The following STT3B variants were observed in gnomAD, a reference collection of about 807,000 sequenced individuals.
STT3B encodes STT3 oligosaccharyltransferase complex catalytic subunit B.
Under a neutral mutation model 96.8 loss-of-function variants are expected in STT3B, and 29 were observed. The ratio of observed to expected loss-of-function variants is 0.30; its 90% CI spans 0.22 to 0.41. The LOEUF is 0.41. Ranked by LOEUF, STT3B falls within the 10% of genes least tolerant of loss-of-function variation. The pLI is 1.00. For missense variants in STT3B, 640 were observed against 1,022.3 expected, an observed-to-expected ratio of 0.63 and a Z score of 5.10; for synonymous variants, 367 against 360.0, an observed-to-expected ratio of 1.02 and a Z score of -0.22.
chr3:31,546,158 A>G (rs551083121), intron 1 of STT3B, among the ~76,000 whole-genome samples: 1 of 152,170 alleles, frequency 6.6e-6, no homozygotes, highest in African/African-American at 2.4e-5. Context: ...GATTTTGTCA[A>G]AATATGCTTC....
At chr3:31,581,204 G>T (rs1314257013) in intron 3 of STT3B, among the ~76,000 whole-genome samples, 2 of 151,966 alleles carry the variant, frequency 1.3e-5, no homozygotes, top group Non-Finnish European at 2.9e-5. Flanking sequence ...CTGCATGTAC[G>T]CCAGCTTTGT....
At chr3:31,571,715 AGT>A (rs1187017618) in intron 1 of STT3B, among the ~76,000 whole-genome samples, 3 of 152,016 alleles carry the variant, frequency 2.0e-5, no homozygotes, top group Non-Finnish European at 4.4e-5. Flanking sequence ...GAAACAGAGA[AGT>A]CCTTGAGATA....
chr3:31,634,685 C>T (rs1017553483), intron 15 of STT3B, among the ~76,000 whole-genome samples: 1 of 152,114 alleles, frequency 6.6e-6, no homozygotes, highest in African/African-American at 2.4e-5. Context: ...AAATTGTAGT[C>T]CAGGCTGCAG....
Position 31,636,088 on chromosome 3 carries a change from T to C in STT3B, c.*24T>C. 6.4e-7 allele frequency: 1 copy of C among 1,555,788 alleles called. No individual in the cohort carries two copies. Among genetic ancestry groups the C allele is most frequent in the South Asian group, 1.2e-5 (1 of 82,742 alleles). On this transcript the variant is annotated 3_prime_UTR_variant, in exon 16 of 16. Transcript: ENST00000295770. ...AAATGCACTGTTCTGGTTCCTAACT[T>C]GAAGCAGTTGTCCTTGTGAGAACCG...
chr3:31,631,743 C>G (rs1382420199), intron 14 of STT3B, among the ~76,000 whole-genome samples: 1 of 150,102 alleles, frequency 6.7e-6, no homozygotes, highest in Non-Finnish European at 1.5e-5. Context: ...CCCAGGAGTT[C>G]GAGACTAGCC....
chr3:31,536,992 A>G (rs943487681), intron 1 of STT3B, among the ~76,000 whole-genome samples: 2 of 152,236 alleles, frequency 1.3e-5, no homozygotes, highest in African/African-American at 4.8e-5. Flanking sequence ...GAAGTTCCCT[A>G]TGTGAGAGCT....
intron 1 of STT3B, among the ~76,000 whole-genome samples, chr3:31,565,459 G>A (rs1253260726): frequency 6.6e-6 from 1 of 152,136 alleles, no homozygotes; most frequent in Admixed American, 6.5e-5. Context: ...ATAATGAAGT[G>A]TACACATACT....
chr3:31,593,972 T>C (rs1439447888), intron 3 of STT3B, among the ~76,000 whole-genome samples: 2 of 152,136 alleles, frequency 1.3e-5, no homozygotes, highest in African/African-American at 4.8e-5. Context: ...TTTCTTTGCA[T>C]GTCTTATAGT....
intron 3 of STT3B, among the ~76,000 whole-genome samples, chr3:31,591,303 T>C (rs1230520911): frequency 6.6e-6 from 1 of 152,158 alleles, no homozygotes; most frequent in Non-Finnish European, 1.5e-5. Flanking sequence ...CCATGGCTTA[T>C]CTTTTTCTGT....
chr3:31,572,059 T>TA (rs1244546565), intron 1 of STT3B, among the ~76,000 whole-genome samples: 7 of 131,182 alleles, frequency 5.3e-5, no homozygotes, highest in African/African-American at 1.4e-4. Flanking sequence ...ATATCATATA[T>TA]TAATATATTA....
At position 31,623,811 on chromosome 3, in the gene STT3B, C is replaced by T; in HGVS notation, c.1677C>T (p.Ser559=). ...CTGTCCACTGTACCTGGGTCACAAG[C>T]AATGCCTACTCTAGTCCAAGTGTAG... ...MFAVHCTWVT[S]NAYSSPSVVL... is the part of the protein sequence containing the mutation. The change falls in exon 11 of 16, where the codon AGC becomes AGT. Residue 559 remains serine, a synonymous_variant. Coordinates refer to ENST00000295770, the MANE Select transcript of STT3B (RefSeq NM_178862.3). The T allele has an allele frequency of 1.2e-6, 2 of 1,613,968 alleles. No homozygotes were observed. Among genetic ancestry groups the T allele is most frequent in the Non-Finnish European group, 8.5e-7 (1 of 1,179,886 alleles).
At chr3:31,617,186 CTTT>C (rs5847707) in intron 7 of STT3B, 111 bp downstream of exon 7, 157 of 494,976 alleles carry the variant, frequency 3.2e-4, no homozygotes, top group East Asian at 1.3e-3. Context: ...TGATTTTTTT[CTTT>C]TTTTTTTTTT....
At position 31,580,940 on chromosome 3, in the gene STT3B, A is replaced by T. The variant is rs1040293954; in HGVS notation, c.711+844A>T. Among the ~76,000 whole-genome samples, 6 of 143,082 alleles carry T rather than the reference A, an allele frequency of 4.2e-5. No homozygotes were observed. The South Asian group carries it at 1.3e-3, about 32-fold the overall frequency. 93.9% of individuals were successfully genotyped at this position (143,082 alleles called of 152,430 possible). ...TTGTTTATTGTGTGCAGCTGAGGAG[A>T]AAAAAAAAAAAACACCTTAAAATCG... On this transcript the variant is annotated intron_variant, in intron 3 of 15. Transcript: ENST00000295770.
intron 12 of STT3B, 127 bp downstream of exon 12, chr3:31,625,212 A>G: frequency 1.3e-6 from 1 of 775,880 alleles, no homozygotes; most frequent in Non-Finnish European, 2.0e-6. Context: ...ATACTTTTTT[A>G]CACATATGTT....
intron 13 of STT3B, among the ~76,000 whole-genome samples, chr3:31,629,075 C>T (rs1392372353): frequency 3.3e-5 from 5 of 152,152 alleles, no homozygotes; most frequent in Admixed American, 3.3e-4. Context: ...CACTGCACTC[C>T]AGCCTCGAGG....
At chr3:31,599,154 A>G (rs925460554) in intron 4 of STT3B, among the ~76,000 whole-genome samples, 1 of 152,000 alleles carries the variant, frequency 6.6e-6, no homozygotes, top group Admixed American at 6.6e-5. Flanking sequence ...GGGGTTCAGT[A>G]TTACCTTTTT....
chr3:31,584,539 G>A (rs1175779888), intron 3 of STT3B, among the ~76,000 whole-genome samples: 1 of 151,908 alleles, frequency 6.6e-6, no homozygotes, highest in Non-Finnish European at 1.5e-5. Context: ...GCTGTTTTAT[G>A]TGTTGATTAC....
intron 1 of STT3B, among the ~76,000 whole-genome samples, chr3:31,552,833 GTGGC>G (rs1559362432): frequency 6.6e-6 from 1 of 152,158 alleles, no homozygotes; most frequent in East Asian, 1.9e-4. Context: ...GCCGGGCACG[GTGGC>G]TCACGCCTGT....
At chr3:31,619,563 AAG>A in intron 8 of STT3B, 111 bp from the exon 9 acceptor site, 2 of 832,724 alleles carry the variant, frequency 2.4e-6, no homozygotes, top group Non-Finnish European at 1.9e-6. Context: ...ATATTTAAAT[AAG>A]AAGGGGTAGG....
Sources: allele counts gnomAD v4.1 joint callset (sites outside exome capture counted in the v4.1 genomes callset), GRCh38; gene constraint gnomAD v4.1.1; transcripts MANE v1.5; gene names NCBI Gene and HGNC (gene_info 2026-07-23, HGNC 2026-07-21).